Variants in UST observed in about 807,000 individuals in gnomAD.
The protein encoded by UST is chondroitin sulfate 2-O-sulfotransferase.
In UST, 21 loss-of-function variants were observed where a neutral mutation model predicts 45.6. The ratio of observed to expected loss-of-function variants is 0.46; its 90% CI spans 0.33 to 0.66. The LOEUF is 0.66. UST is among the 30% of genes least tolerant of loss of function. The pLI, the probability that UST is intolerant of heterozygous loss-of-function variation, is 0.02. For synonymous variants in UST, 215 were observed against 200.6 expected (o/e 1.07, Z -0.61); for missense variants, 463 against 512.4 (o/e 0.90, Z 0.93).
chr6:148,839,293 G>GTCA (rs1390825674), intron 1 of UST, among the ~76,000 whole-genome samples: 3 of 152,152 alleles, frequency 2.0e-5, no homozygotes, highest in Non-Finnish European at 4.4e-5. Flanking sequence ...TAATCAGGAA[G>GTCA]GCCCCTCTCC....
intron 4 of UST, among the ~76,000 whole-genome samples, chr6:148,963,113 C>G (rs961312749): frequency 2.0e-5 from 3 of 152,186 alleles, no homozygotes; most frequent in African/African-American, 7.2e-5. Flanking sequence ...GCCCAGGGCA[C>G]AGAGGAGGGA....
intron 1 of UST, among the ~76,000 whole-genome samples, chr6:148,869,165 T>A (rs916929836): frequency 2.0e-5 from 3 of 152,268 alleles, no homozygotes; most frequent in African/African-American, 7.2e-5. Context: ...AAGGAATTTC[T>A]GATGTTAAGG....
At chr6:148,768,612 G>A (rs1776363083) in intron 1 of UST, among the ~76,000 whole-genome samples, 1 of 151,730 alleles carries the variant, frequency 6.6e-6, no homozygotes, top group Non-Finnish European at 1.5e-5. Flanking sequence ...AATCCCATTG[G>A]CATTTATTTT....
chr6:148,888,492 G>T (rs1778952306), intron 2 of UST, among the ~76,000 whole-genome samples: 1 of 152,226 alleles, frequency 6.6e-6, no homozygotes, highest in Non-Finnish European at 1.5e-5. Flanking sequence ...CCACTTTCTA[G>T]CTGTGTGACA....
intron 7 of UST, among the ~76,000 whole-genome samples, chr6:149,072,031 A>T (rs960737621): frequency 2.6e-5 from 4 of 151,970 alleles, no homozygotes; most frequent in Non-Finnish European, 5.9e-5. Flanking sequence ...CTACAATTTT[A>T]AAAAGGGAGG....
intron 7 of UST, 39 bp downstream of exon 7, chr6:149,021,520 T>A: frequency 6.2e-7 from 1 of 1,611,192 alleles, no homozygotes; most frequent in Non-Finnish European, 8.5e-7. Context: ...CCATGAGAGG[T>A]CTGTGTCCAG....
At chr6:148,921,514 CA>C (rs1340702132) in intron 2 of UST, among the ~76,000 whole-genome samples, 1 of 152,176 alleles carries the variant, frequency 6.6e-6, no homozygotes, top group Non-Finnish European at 1.5e-5. Flanking sequence ...AGCCCCAAAA[CA>C]AAAACTCTAC....
chr6:148,824,053 T>A (rs1777520717), intron 1 of UST, among the ~76,000 whole-genome samples: 1 of 152,338 alleles, frequency 6.6e-6, no homozygotes, highest in East Asian at 1.9e-4. Flanking sequence ...GGAGGACTAA[T>A]AATAGCAGGA....
rs1005323103 is a variant in UST, at chr6:148,784,659, C to A, written c.247+36982C>A. Among the ~76,000 whole-genome samples, 19 of 152,132 alleles carry A rather than the reference C, an allele frequency of 1.2e-4. 1 individual carries two copies. Among genetic ancestry groups the A allele is most frequent in the African/African-American group, 4.1e-4 (17 of 41,486 alleles). ...ATCTTGTGTATGTGTCCACAGACAC[C>A]CTTAGAAAAACTGAAAGCACAGTGC... On this transcript the variant is annotated intron_variant, in intron 1 of 7. Coordinates refer to ENST00000367463, the MANE Select transcript of UST (RefSeq NM_005715.3).
rs1218106570 is a variant in UST at position 148,856,492 on chromosome 6, GAT to G, written c.248-30492_248-30491del. On this transcript the variant is annotated intron_variant, in intron 1 of 7. Coordinates refer to ENST00000367463, the MANE Select transcript of UST (RefSeq NM_005715.3). ...CTATTCATCGGAGACAGCCACAGGT[GAT>G]AGTGTATGGGCAGAGGTGCCACCAA... is the stretch of plus-strand genomic sequence containing the variant. 2.0e-5 allele frequency among the ~76,000 whole-genome samples: 3 copies of G among 152,338 alleles called. No individual in the cohort carries two copies. In the East Asian group the frequency reaches 5.8e-4, roughly 29 times the overall value.
chr6:149,030,317 G>A (rs1030686638), intron 7 of UST, among the ~76,000 whole-genome samples: 2 of 152,008 alleles, frequency 1.3e-5, no homozygotes, highest in African/African-American at 4.8e-5. Context: ...AGCATTCATA[G>A]TATGTATTGC....
At chr6:149,005,636 A>G in intron 5 of UST, 1 of 982,392 alleles carries the variant, frequency 1.0e-6, no homozygotes. Context: ...CACCACCATT[A>G]GACCTCATTT....
At chr6:148,767,028 C>G (rs991869915) in intron 1 of UST, among the ~76,000 whole-genome samples, 8 of 152,200 alleles carry the variant, frequency 5.3e-5, no homozygotes, top group African/African-American at 1.9e-4. Flanking sequence ...GCTATAGATC[C>G]TGATGTAGCA....
chr6:148,831,999 C>CTTAT (rs1462468307), intron 1 of UST, among the ~76,000 whole-genome samples: 1 of 152,182 alleles, frequency 6.6e-6, no homozygotes, highest in African/African-American at 2.4e-5. Context: ...ATTGACTTTA[C>CTTAT]TTATTTATTT....
At chr6:149,039,753 C>T (rs1213380606) in intron 7 of UST, among the ~76,000 whole-genome samples, 3 of 152,194 alleles carry the variant, frequency 2.0e-5, no homozygotes, top group Non-Finnish European at 4.4e-5. Context: ...AGGAAACTGT[C>T]GCTGTGGCCC....
chr6:148,915,993 C>T (rs1018309535), intron 2 of UST, among the ~76,000 whole-genome samples: 1 of 152,210 alleles, frequency 6.6e-6, no homozygotes. Context: ...TCTCCAGCAA[C>T]CAGAGCCAAC....
intron 5 of UST, among the ~76,000 whole-genome samples, chr6:148,968,951 T>G (rs1045476298): frequency 1.3e-5 from 2 of 152,232 alleles, no homozygotes; most frequent in Non-Finnish European, 2.9e-5. Context: ...GTAATGCATG[T>G]TTAAAAGAAA....
intron 5 of UST, among the ~76,000 whole-genome samples, chr6:149,000,689 A>G (rs1032519062): frequency 3.9e-5 from 6 of 152,250 alleles, no homozygotes; most frequent in African/African-American, 1.2e-4. Context: ...AGGATGTTTG[A>G]AAAGACAAAA....
chr6:148,850,195 G>A (rs1031834522), intron 1 of UST, among the ~76,000 whole-genome samples: 1 of 152,132 alleles, frequency 6.6e-6, no homozygotes, highest in South Asian at 2.1e-4. Flanking sequence ...TATTCCAGTT[G>A]TATGGAGAGG....
Sources: allele counts gnomAD v4.1 joint callset (sites outside exome capture counted in the v4.1 genomes callset), GRCh38; gene constraint gnomAD v4.1.1; transcripts MANE v1.5; gene names NCBI Gene and HGNC (gene_info 2026-07-23, HGNC 2026-07-21).